DOCK1: variants seen among roughly 807,000 people sequenced by gnomAD.
DOCK1 encodes the protein dedicator of cytokinesis protein 1.
In DOCK1, 138 loss-of-function variants were observed where a neutral mutation model predicts 262.7. The observed-to-expected ratio is 0.53, with a 90% CI of 0.46 to 0.61. The LOEUF (loss-of-function observed/expected upper bound fraction) is 0.61, where lower values mean the gene tolerates loss of function less well. Among genes scored for constraint, DOCK1 ranks in the 20% least tolerant of loss-of-function variants. The pLI is 0.00. For missense variants in DOCK1, 1,908 were observed against 2,370.7 expected, an observed-to-expected ratio of 0.80 and a Z score of 4.05; for synonymous variants, 866 against 867.4, an observed-to-expected ratio of 1.00 and a Z score of 0.03.
intron 22 of DOCK1, among the ~76,000 whole-genome samples, chr10:127,058,963 C>T (rs1053926468): frequency 6.6e-6 from 1 of 152,000 alleles, no homozygotes; most frequent in African/African-American, 2.4e-5. Context: ...CCTTTGGGAT[C>T]ATTTTCTTTC....
At chr10:127,419,542 C>T (rs2068370780) in intron 45 of DOCK1, 124 bp from the exon 46 acceptor site, 5 of 864,906 alleles carry the variant, frequency 5.8e-6, no homozygotes, top group Non-Finnish European at 7.3e-6. Context: ...CCTGAGTCTG[C>T]AGTGAGCTTC....
intron 27 of DOCK1, among the ~76,000 whole-genome samples, chr10:127,178,541 C>G (rs1183241160): frequency 6.6e-6 from 1 of 152,198 alleles, no homozygotes; most frequent in African/African-American, 2.4e-5. Context: ...CAGAGAACCA[C>G]TGCATTAGCC....
In DOCK1 at chr10:127,374,161, A is replaced by G; in HGVS notation, c.3622A>G (p.Ile1208Val). 6.2e-7 allele frequency: 1 copy of G among 1,613,844 alleles called. No homozygotes were observed. Among genetic ancestry groups the G allele is most frequent in the Non-Finnish European group, 8.5e-7 (1 of 1,179,838 alleles). The change falls in exon 35 of 52, where the codon ATC becomes GTC. Residue 1208 changes from isoleucine to valine, a missense_variant. Physicochemically the swap from Ile to Val is conservative, Grantham distance 29. This residue lies in a region of DOCK1 where 267 missense variants were observed against 366.3 expected (regional missense o/e 0.73). Transcript: ENST00000623213. ...LMERLLDYRT[I>V]MHDENKENRM... ...GGAAAGGCTTTTGGATTATAGAACC[A>G]TCATGCACGACGAGAACAAAGAAAA... is the stretch of plus-strand genomic sequence containing the variant.
chr10:127,084,796 G>A (rs955380936), intron 23 of DOCK1, among the ~76,000 whole-genome samples: 1 of 152,194 alleles, frequency 6.6e-6, no homozygotes, highest in African/African-American at 2.4e-5. Flanking sequence ...GTGAGGAAGA[G>A]GGTGGGGATT....
rs2048148041 is a variant in DOCK1 at position 127,100,087 on chromosome 10, T to TG, written c.2446-6141dup. ...CAGAGCCCATGGCCCTCCATGGGTGTGGGATAGGTTCCCTGTGTCCCATGA... is the reference window on the plus strand; with the variant it reads ...CAGAGCCCATGGCCCTCCATGGGTGTGGGGATAGGTTCCCTGTGTCCCATGA... On this transcript the variant is annotated intron_variant, in intron 23 of 51. Coordinates refer to ENST00000623213, the MANE Select transcript of DOCK1 (RefSeq NM_001290223.2). The surrounding 1 kb of genome is among the most constrained non-coding windows in gnomAD (Gnocchi z 5.5). Among the ~76,000 whole-genome samples, 1 of 152,136 alleles carries TG rather than the reference T, an allele frequency of 6.6e-6. No homozygotes were observed. The highest frequency in any genetic ancestry group is 1.5e-5 in the Non-Finnish European group (1 of 68,028).
At chr10:127,343,621 G>A (rs779761270) in intron 30 of DOCK1, 25 bp from the exon 31 acceptor site, 16 of 1,575,230 alleles carry the variant, frequency 1.0e-5, no homozygotes, top group Non-Finnish European at 1.4e-5. Flanking sequence ...CAACAACTTA[G>A]CATCTCCTCC....
intron 43 of DOCK1, among the ~76,000 whole-genome samples, chr10:127,414,230 TG>T (rs1201825802): frequency 1.3e-5 from 2 of 152,178 alleles, no homozygotes; most frequent in Non-Finnish European, 2.9e-5. Flanking sequence ...CTGGAATGAC[TG>T]GCATTCCATT....
chr10:126,909,281 T>C lies in DOCK1; in HGVS notation c.46+3718T>C, dbSNP rs192395294. Among the ~76,000 whole-genome samples the C allele has an allele frequency of 2.3e-3, 353 of 152,234 alleles. 1 individual carries two copies. The highest frequency in any genetic ancestry group is 3.1e-3 in the Non-Finnish European group (209 of 68,022). On this transcript the variant is annotated intron_variant, in intron 1 of 51. Coordinates refer to ENST00000623213, the MANE Select transcript of DOCK1 (RefSeq NM_001290223.2). The stretch of plus-strand genomic sequence containing the variant: ...TCGGCAGTTACAAAGAATTGGATCC[T>C]GCCAACACCCTGAATGAGCTTGGAA...
chr10:126,917,393 A>G (rs947099013), intron 1 of DOCK1, among the ~76,000 whole-genome samples: 2 of 152,120 alleles, frequency 1.3e-5, no homozygotes, highest in Admixed American at 1.3e-4. Flanking sequence ...AGGGCCTGTC[A>G]TTCATTCTGG....
intron 38 of DOCK1, among the ~76,000 whole-genome samples, chr10:127,394,714 G>GTT (rs1321041007): frequency 6.6e-6 from 1 of 152,174 alleles, no homozygotes; most frequent in Non-Finnish European, 1.5e-5. Flanking sequence ...TTTCGAGTCA[G>GTT]TAACAACAAT....
intron 23 of DOCK1, among the ~76,000 whole-genome samples, chr10:127,083,969 AT>A (rs2047055358): frequency 6.6e-6 from 1 of 152,158 alleles, no homozygotes; most frequent in Admixed American, 6.5e-5. Flanking sequence ...AATATTTATA[AT>A]TTCCCATCTC....
chr10:126,965,376 G>A (rs929372911), intron 1 of DOCK1, among the ~76,000 whole-genome samples: 1 of 152,130 alleles, frequency 6.6e-6, no homozygotes, highest in African/African-American at 2.4e-5. Context: ...ATGGAAAGAT[G>A]GGTTGTGTGC....
intron 23 of DOCK1, among the ~76,000 whole-genome samples, chr10:127,105,635 T>G (rs1003898563): frequency 3.3e-5 from 5 of 152,184 alleles, no homozygotes; most frequent in African/African-American, 1.2e-4. Context: ...ACATGCATGC[T>G]TAGCACACAG....
intron 37 of DOCK1, among the ~76,000 whole-genome samples, chr10:127,382,554 C>T (rs2065881005): frequency 1.3e-5 from 2 of 152,206 alleles, no homozygotes; most frequent in African/African-American, 4.8e-5. Context: ...CACGTGGGCT[C>T]TCCCAAGGAG....
At chr10:127,280,242 G>T (rs1279576473) in intron 29 of DOCK1, among the ~76,000 whole-genome samples, 1 of 151,484 alleles carries the variant, frequency 6.6e-6, no homozygotes, top group African/African-American at 2.4e-5. Flanking sequence ...CACCGTTTTA[G>T]CCGGGATGGT....
intron 27 of DOCK1, among the ~76,000 whole-genome samples, chr10:127,205,954 A>G (rs2057699446): frequency 2.6e-5 from 4 of 152,278 alleles, no homozygotes; most frequent in South Asian, 2.1e-4. Flanking sequence ...AACTCTTTAC[A>G]TGCAAGTATG....
In DOCK1 at chr10:127,261,687, A is replaced by G. The variant is rs1262069479; in HGVS notation, c.3044+4258A>G. Among the ~76,000 whole-genome samples the G allele has an allele frequency of 1.3e-3, 144 of 106,680 alleles. 2 individuals are homozygous for G. The highest frequency in any genetic ancestry group is 2.2e-3 in the Non-Finnish European group (118 of 54,732). 70.0% of individuals were successfully genotyped at this position (106,680 alleles called of 152,430 possible). A position where few individuals can be genotyped will look rare whatever the true frequency, so the allele number is the denominator to read the frequency against. On this transcript the variant is annotated intron_variant, in intron 29 of 51. Coordinates refer to ENST00000623213, the MANE Select transcript of DOCK1 (RefSeq NM_001290223.2). ...TGTGTGTGTACCTGCATGTGTGTGC[A>G]TGTGGGTGTGCGTGTACCTGCATGT...
intron 21 of DOCK1, among the ~76,000 whole-genome samples, chr10:127,050,951 C>A (rs1365520865): frequency 6.6e-6 from 1 of 151,768 alleles, no homozygotes; most frequent in Non-Finnish European, 1.5e-5. Flanking sequence ...AATACATTTC[C>A]CTTCATCTTT....
chr10:127,277,036 C>T (rs1295946490), intron 29 of DOCK1, among the ~76,000 whole-genome samples: 1 of 152,130 alleles, frequency 6.6e-6, no homozygotes, highest in Non-Finnish European at 1.5e-5. Flanking sequence ...AATGTGATTG[C>T]TGCCTGGGGT....
Sources: gnomAD v4.1 joint callset for allele counts (sites outside exome capture counted in the v4.1 genomes callset) on GRCh38, gnomAD v4.1.1 for gene constraint, gnomAD v4.1.1 regional missense constraint, Gnocchi (gnomAD v3.1) non-coding constraint, MANE v1.5 for transcripts, NCBI Gene and HGNC (gene_info 2026-07-23, HGNC 2026-07-21) for gene names.